Variants in MAF1 observed in about 807,000 individuals in gnomAD.
The protein encoded by MAF1 is MAF1 negative regulator of RNA polymerase III.
Under a neutral mutation model 31.9 loss-of-function variants are expected in MAF1, and 7 were observed. That is an observed-to-expected ratio of 0.22 (90% CI 0.12 to 0.41). MAF1 has a LOEUF of 0.41. Among genes scored for constraint, MAF1 ranks in the 10% least tolerant of loss-of-function variants. The probability of loss-of-function intolerance (pLI) is 1.00; values close to 1 mark genes in which losing one functional copy is unlikely to be tolerated. For synonymous variants in MAF1, 157 were observed against 120.0 expected (o/e 1.31, Z -2.02); for missense variants, 221 against 323.1 (o/e 0.68, Z 2.42).
chr8:144,106,372 C>T lies in MAF1; in HGVS notation c.408C>T (p.Phe136=), dbSNP rs761255121. ...WVVNAVNCSL[F]SAVREDFKDL... ...TGAATGCAGTCAACTGCAGTCTGTT[C>T]TCAGCTGTGCGGGAGGACTTCAAGG... Residue 136 remains phenylalanine, a synonymous_variant, in exon 5 of 8, where the codon TTC becomes TTT. Coordinates refer to ENST00000322428, the MANE Select transcript of MAF1 (RefSeq NM_032272.5). 2.7e-5 allele frequency: 44 copies of T among 1,613,854 alleles called. No homozygotes were observed. The highest frequency in any genetic ancestry group is 2.6e-5 in the Non-Finnish European group (31 of 1,180,046).
chr8:144,106,594 T>C lies in MAF1; in HGVS notation c.540T>C (p.Asp180=), dbSNP rs777577350. 35 of 1,613,912 alleles carry C rather than the reference T, an allele frequency of 2.2e-5. No individual in the cohort carries two copies. The highest frequency in any genetic ancestry group is 3.0e-5 in the Non-Finnish European group (35 of 1,180,014). Residue 180 remains aspartate, a synonymous_variant, in exon 6 of 8, where the codon GAT becomes GAC. Transcript: ENST00000322428. The part of the protein sequence containing the change: ...PDLDSDPFGE[D]GSLWSFNYFF... Reference sequence around the variant, plus strand: ...TGGACTCAGATCCCTTCGGGGAGGATGGTAGCCTCTGGTCCTTCAACTACT... The same window carrying C: ...TGGACTCAGATCCCTTCGGGGAGGACGGTAGCCTCTGGTCCTTCAACTACT...
At position 144,106,148 on chromosome 8, in the gene MAF1, C is replaced by T. The variant is rs757765007; in HGVS notation, c.285C>T (p.Tyr95=). ...SDKCSRKTLF[Y]LIATLNESFR... ...AGTGCAGCCGCAAGACCCTCTTCTA[C>T]CTGATTGCCACGCTCAATGAGTCCT... Residue 95 remains tyrosine, a synonymous_variant, in exon 4 of 8, where the codon TAC becomes TAT. Coordinates refer to ENST00000322428, the MANE Select transcript of MAF1 (RefSeq NM_032272.5). 3 of 1,613,824 alleles carry T rather than the reference C, an allele frequency of 1.9e-6. No individual in the cohort carries two copies. The highest frequency in any genetic ancestry group is 2.5e-6 in the Non-Finnish European group (3 of 1,180,036).
At position 144,107,128 on chromosome 8, in the gene MAF1, C is replaced by G; in HGVS notation, c.*19C>G. The G allele has an allele frequency of 6.4e-7, 1 of 1,555,338 alleles. No homozygotes were observed. Among genetic ancestry groups the G allele is most frequent in the Non-Finnish European group, 8.7e-7 (1 of 1,149,616 alleles). ...TATTTGATGAGGAGGAGCCGAGGCC[C>G]CAGCTTCATCCAGCTTCAACCAATG... On this transcript the variant is annotated 3_prime_UTR_variant, in exon 8 of 8. Coordinates refer to ENST00000322428, the MANE Select transcript of MAF1 (RefSeq NM_032272.5).
chr8:144,106,197 A>G lies in MAF1; in HGVS notation c.334A>G (p.Thr112Ala), dbSNP rs1587619183. Residue 112 changes from threonine (T) to alanine (A), a missense_variant, in exon 4 of 8, where the codon ACA becomes GCA. Physicochemically the swap from Thr to Ala is moderately conservative, Grantham distance 58. Coordinates refer to ENST00000322428, the MANE Select transcript of MAF1 (RefSeq NM_032272.5). ...ESFRPDYDFS[T>A]ARSHEFSREP... ...CTTCAGGCCTGACTATGACTTCAGC[A>G]CAGCCCGCAGCCATGAGTTCAGCCG... is the stretch of plus-strand genomic sequence containing the variant. The G allele has an allele frequency of 6.2e-7, 1 of 1,613,786 alleles. No homozygotes were observed. Among genetic ancestry groups the G allele is most frequent in the Non-Finnish European group, 8.5e-7 (1 of 1,180,028 alleles).
rs760553615 is a variant in MAF1 at position 144,105,997 on chromosome 8, G to A, written c.212G>A (p.Arg71Lys). The change falls in exon 3 of 8, where the codon AGA becomes AAA. Residue 71 changes from arginine (R) to lysine (K), a missense_variant and splice_region_variant. This residue lies in a region of MAF1 where 146 missense variants were observed against 263.1 expected (regional missense o/e 0.56). Transcript: ENST00000322428. ...PPQTSGLSPS[R>K]LSKSQGGEEE... Reference sequence around the variant, plus strand: ...CAGACTTCAGGACTGAGCCCCAGCAGGTGAGCCATGGTGGGGCCTACCTGG... The same window carrying A: ...CAGACTTCAGGACTGAGCCCCAGCAAGTGAGCCATGGTGGGGCCTACCTGG... 1.1e-5 allele frequency: 17 copies of A among 1,613,312 alleles called. No individual in the cohort carries two copies. Among genetic ancestry groups the A allele is most frequent in the Non-Finnish European group, 1.7e-6 (2 of 1,180,030 alleles).
rs764984315 is a variant in MAF1 at position 144,105,984 on chromosome 8, C to T, written c.199C>T (p.Leu67=). ...EALSPPQTSG[L]SPSRLSKSQG... ...ACTTTCTCCACCCCAGACTTCAGGA[C>T]TGAGCCCCAGCAGGTGAGCCATGGT... is the stretch of plus-strand genomic sequence containing the variant. Residue 67 remains leucine, a synonymous_variant, in exon 3 of 8, where the codon CTG becomes TTG. Transcript: ENST00000322428. The T allele has an allele frequency of 8.1e-6, 13 of 1,613,396 alleles. No individual in the cohort carries two copies. The Middle Eastern group carries it at 4.9e-4, about 61-fold the overall frequency.
chr8:144,106,022 G>A (rs377501207), intron 3 of MAF1, 25 bp downstream of exon 3: 56 of 1,613,448 alleles, frequency 3.5e-5, no homozygotes, highest in Admixed American at 1.2e-4. Flanking sequence ...GGCCTACCTG[G>A]GGCTGGGGGT....
At chr8:144,105,407 C>G in intron 1 of MAF1, 2 of 493,284 alleles carry the variant, frequency 4.1e-6, no homozygotes, top group Non-Finnish European at 7.4e-6. Flanking sequence ...TCCCAGAACT[C>G]GCGTGTTCTG....
rs376759266 is a variant in MAF1 at position 144,107,014 on chromosome 8, A to G, written c.749+51A>G. On this transcript the variant is annotated intron_variant, in intron 7 of 7. Coordinates refer to ENST00000322428, the MANE Select transcript of MAF1 (RefSeq NM_032272.5). Reference sequence around the variant, plus strand: ...GTCCTTGAAGCCTGGAGTGGGTACAACAGGGTGGGGGCCTCCTCTACTTGG... The same window carrying G: ...GTCCTTGAAGCCTGGAGTGGGTACAGCAGGGTGGGGGCCTCCTCTACTTGG... 105 of 1,556,328 alleles carry G rather than the reference A, an allele frequency of 6.7e-5. 1 individual carries two copies. The African/African-American group carries it at 1.2e-3, about 18-fold the overall frequency.
chr8:144,105,547 G>A, intron 1 of MAF1, 93 bp from the exon 2 acceptor site: 1 of 715,974 alleles, frequency 1.4e-6, no homozygotes, highest in East Asian at 2.6e-5. Context: ...GACTCAGCTT[G>A]TTCCTAGCGG....
In MAF1 at chr8:144,105,703, C is replaced by G; in HGVS notation, c.20C>G (p.Ser7Trp). The G allele has an allele frequency of 6.2e-7, 1 of 1,613,382 alleles. No individual in the cohort carries two copies. The highest frequency in any genetic ancestry group is 8.5e-7 in the Non-Finnish European group (1 of 1,179,988). Residue 7 changes from serine to tryptophan, a missense_variant, in exon 2 of 8, where the codon TCG becomes TGG. Physicochemically the swap from Ser to Trp is radical, Grantham distance 177 (BLOSUM62 -3). Transcript: ENST00000322428. ...AAAGACATGAAGCTATTGGAGAACT[C>G]GAGCTTTGAAGCCATCAACTCACAG... MKLLEN[S>W]SFEAINSQLT...
In MAF1 at chr8:144,106,487, G is replaced by A. The variant is rs758702941; in HGVS notation, c.500+23G>A. On this transcript the variant is annotated intron_variant, in intron 5 of 7. Transcript: ENST00000322428. Reference sequence around the variant, plus strand: ...CAGGTGGGCCGGCATCCCTGCAGATGGCCTCCAGGCCTCCAGGTTTGTGGG... The same window carrying A: ...CAGGTGGGCCGGCATCCCTGCAGATAGCCTCCAGGCCTCCAGGTTTGTGGG... 17 of 1,613,722 alleles carry A rather than the reference G, an allele frequency of 1.1e-5. No homozygotes were observed. In the East Asian group the frequency reaches 2.7e-4, roughly 25 times the overall value.
At position 144,107,511 on chromosome 8, in the gene MAF1, C is replaced by T; in HGVS notation, c.*402C>T. Reference sequence around the variant, plus strand: ...TCACCGGCTCTGGTCTTGGGCCGGCCCCGGTGCCCACCTGTACCCCCACCT... The same window carrying T: ...TCACCGGCTCTGGTCTTGGGCCGGCTCCGGTGCCCACCTGTACCCCCACCT... On this transcript the variant is annotated 3_prime_UTR_variant, in exon 8 of 8. Coordinates refer to ENST00000322428, the MANE Select transcript of MAF1 (RefSeq NM_032272.5). 1.7e-6 allele frequency: 1 copy of T among 595,886 alleles called. No homozygotes were observed. The highest frequency in any genetic ancestry group is 2.0e-5 in the South Asian group (1 of 50,746). 36.9% of individuals were successfully genotyped at this position (595,886 alleles called of 1,614,324 possible). A position where few individuals can be genotyped will look rare whatever the true frequency, so the allele number is the denominator to read the frequency against.
Position 144,106,065 on chromosome 8 carries a change from T to C in MAF1, c.213-11T>C. 1 of 1,613,642 alleles carries C rather than the reference T, an allele frequency of 6.2e-7. No individual in the cohort carries two copies. The highest frequency in any genetic ancestry group is 1.1e-5 in the South Asian group (1 of 91,086). On this transcript the variant is annotated splice_polypyrimidine_tract_variant and intron_variant, in intron 3 of 7. Coordinates refer to ENST00000322428, the MANE Select transcript of MAF1 (RefSeq NM_032272.5). ...AGGTGATGGGCCCAGCTGATGGTTC[T>C]GTCTGTGCAGACTCAGCAAAAGCCA...
chr8:144,107,134 T>G lies in MAF1; in HGVS notation c.*25T>G. The stretch of plus-strand genomic sequence containing the variant: ...ATGAGGAGGAGCCGAGGCCCCAGCT[T>G]CATCCAGCTTCAACCAATGCCTGGA... On this transcript the variant is annotated 3_prime_UTR_variant, in exon 8 of 8. Transcript: ENST00000322428. The G allele has an allele frequency of 6.4e-7, 1 of 1,555,342 alleles. No individual in the cohort carries two copies.
At position 144,104,501 on chromosome 8, in the gene MAF1, T is replaced by C. The variant is rs1836368184; in HGVS notation, c.-402T>C. 2 of 152,208 alleles carry C rather than the reference T, an allele frequency of 1.3e-5. No homozygotes were observed. Among genetic ancestry groups the C allele is most frequent in the South Asian group, 2.1e-4 (1 of 4,824 alleles). The allele number at this position is 152,208 out of a possible 1,614,324, so 9.4% of individuals were successfully genotyped here. A position where few individuals can be genotyped will look rare whatever the true frequency, so the allele number is the denominator to read the frequency against. On this transcript the variant is annotated 5_prime_UTR_variant, in exon 1 of 8. Coordinates refer to ENST00000322428, the MANE Select transcript of MAF1 (RefSeq NM_032272.5). ...GCCGGGCCCGGCGGACGCTTGTTGT[T>C]GTCCGGCCGGGGGAGGCGGAGGTCG... is the stretch of plus-strand genomic sequence containing the variant.
chr8:144,107,163 G>A lies in MAF1; in HGVS notation c.*54G>A. On this transcript the variant is annotated 3_prime_UTR_variant, in exon 8 of 8. Transcript: ENST00000322428. ...CCAGCTTCAACCAATGCCTGGACCT[G>A]TCCACCTGAGAGGCCCCTGGGGCCT... 6.5e-7 allele frequency: 1 copy of A among 1,549,362 alleles called. No individual in the cohort carries two copies. Among genetic ancestry groups the A allele is most frequent in the South Asian group, 1.2e-5 (1 of 84,104 alleles).
intron 3 of MAF1, 29 bp downstream of exon 3, chr8:144,106,026 T>C: frequency 6.2e-7 from 1 of 1,613,404 alleles, no homozygotes; most frequent in Non-Finnish European, 8.5e-7. Flanking sequence ...TACCTGGGGC[T>C]GGGGGTTGAG....
At position 144,106,096 on chromosome 8, in the gene MAF1, G is replaced by A; in HGVS notation, c.233G>A (p.Gly78Asp). Residue 78 changes from glycine (G) to aspartate (D), a missense_variant, in exon 4 of 8, where the codon GGT (glycine) becomes GAT (aspartate). By Grantham distance (94) the Gly-to-Asp change is moderately conservative. Around this residue, in one of 2 missense-constraint regions of MAF1, gnomAD observed 146 missense variants for 263.1 expected, o/e 0.56. Transcript: ENST00000322428. The stretch of plus-strand genomic sequence containing the variant: ...TGCAGACTCAGCAAAAGCCAAGGCG[G>A]TGAGGAGGAGGGCCCCCTCAGTGAC... ...SPSRLSKSQG[G>D]EEEGPLSDKC... The A allele has an allele frequency of 6.2e-7, 1 of 1,613,702 alleles. No homozygotes were observed. The highest frequency in any genetic ancestry group is 8.5e-7 in the Non-Finnish European group (1 of 1,180,026).
Sources: allele counts gnomAD v4.1 joint callset, GRCh38; gene constraint gnomAD v4.1.1; regional missense constraint gnomAD v4.1.1; transcripts MANE v1.5; gene names NCBI Gene and HGNC (gene_info 2026-07-23, HGNC 2026-07-21).